The following DTNB variants were observed in gnomAD, a reference collection of about 807,000 sequenced individuals.
DTNB encodes the protein DTN-B.
In DTNB, 63 loss-of-function variants were observed where a neutral mutation model predicts 90.7. The observed-to-expected ratio is 0.69, with a 90% CI of 0.57 to 0.86. The LOEUF is 0.86. DTNB is among the 40% of genes least tolerant of loss of function. The probability of loss-of-function intolerance (pLI) is 0.00; values close to 1 mark genes in which losing one functional copy is unlikely to be tolerated. For missense variants in DTNB, 744 were observed against 807.1 expected (o/e 0.92, Z 0.95); for synonymous variants, 277 against 286.7 (o/e 0.97, Z 0.34).
chr2:25,483,465 G>A (rs2065415571), intron 9 of DTNB, among the ~76,000 whole-genome samples: 1 of 152,154 alleles, frequency 6.6e-6, no homozygotes, highest in African/African-American at 2.4e-5. Flanking sequence ...AACAAACTTT[G>A]ATTAATTCTC....
intron 8 of DTNB, among the ~76,000 whole-genome samples, chr2:25,544,066 G>C (rs760596920): frequency 5.3e-5 from 8 of 152,148 alleles, no homozygotes; most frequent in Non-Finnish European, 8.8e-5. Context: ...GGACAGCCAC[G>C]GCAGTGAGGC....
At chr2:25,431,773 G>A (rs757616759) in intron 14 of DTNB, among the ~76,000 whole-genome samples, 3 of 152,000 alleles carry the variant, frequency 2.0e-5, no homozygotes, top group Admixed American at 6.6e-5. Flanking sequence ...CTTACACTCT[G>A]CCCAAGTCAG....
chr2:25,546,095 A>G lies in DTNB; in HGVS notation c.877-14498T>C, dbSNP rs139363575. ...ATGTTTATTTAACATTGGGACTTTC[A>G]TAACTGTCTGTTCCTACCTCAGGCA... On this transcript the variant is annotated intron_variant, in intron 8 of 20. Transcript: ENST00000406818. Among the ~76,000 whole-genome samples the G allele has an allele frequency of 6.7e-3, 1,019 of 152,280 alleles. 12 individuals are homozygous for G. Among genetic ancestry groups the G allele is most frequent in the African/African-American group, 0.021 (883 of 41,550 alleles).
At chr2:25,413,122 A>G (rs961288367) in intron 16 of DTNB, among the ~76,000 whole-genome samples, 1 of 152,228 alleles carries the variant, frequency 6.6e-6, no homozygotes, top group African/African-American at 2.4e-5. Flanking sequence ...ATGTATCAGT[A>G]TATTTTCTTT....
intron 16 of DTNB, among the ~76,000 whole-genome samples, chr2:25,406,563 G>A (rs2045247401): frequency 1.3e-5 from 2 of 150,724 alleles, no homozygotes; most frequent in African/African-American, 4.9e-5. Context: ...TTCGAGACCA[G>A]CTTGGCCAAC....
intron 1 of DTNB, among the ~76,000 whole-genome samples, chr2:25,655,354 C>T (rs1455473483): frequency 6.6e-6 from 1 of 152,168 alleles, no homozygotes; most frequent in Admixed American, 6.5e-5. Context: ...GCCTACCTCC[C>T]TCATTGCTTC....
chr2:25,469,491 G>C (rs2062390153), intron 10 of DTNB, among the ~76,000 whole-genome samples: 1 of 152,106 alleles, frequency 6.6e-6, no homozygotes, highest in African/African-American at 2.4e-5. Context: ...TGTCACACAG[G>C]CTGGAGTGCA....
chr2:25,511,944 CA>C (rs1289716569), intron 9 of DTNB, among the ~76,000 whole-genome samples: 1 of 151,972 alleles, frequency 6.6e-6, no homozygotes, highest in African/African-American at 2.4e-5. Flanking sequence ...CCTTAAATTC[CA>C]AAACAATTCT....
intron 19 of DTNB, 61 bp downstream of exon 19, chr2:25,383,775 C>T (rs772213423): frequency 1.5e-5 from 24 of 1,613,440 alleles, no homozygotes; most frequent in South Asian, 5.5e-5. Flanking sequence ...AAGTGGGGGG[C>T]GGCTGATCCA....
chr2:25,640,316 G>T (rs2077976691), intron 2 of DTNB, among the ~76,000 whole-genome samples: 1 of 152,046 alleles, frequency 6.6e-6, no homozygotes, highest in Non-Finnish European at 1.5e-5. Flanking sequence ...AGGGGACAGA[G>T]AACTGGCACA....
intron 9 of DTNB, among the ~76,000 whole-genome samples, chr2:25,500,447 C>G (rs1261140223): frequency 6.6e-6 from 1 of 152,120 alleles, no homozygotes; most frequent in Non-Finnish European, 1.5e-5. Flanking sequence ...ACACATCAGG[C>G]CAACTACGCT....
intron 1 of DTNB, among the ~76,000 whole-genome samples, chr2:25,667,894 TA>T (rs1356909015): frequency 2.6e-5 from 4 of 152,118 alleles, no homozygotes; most frequent in African/African-American, 9.7e-5. Context: ...GGTGAACGAA[TA>T]AACAAACTGT....
At chr2:25,478,016 TTAA>T (rs1558690590) in intron 10 of DTNB, among the ~76,000 whole-genome samples, 1 of 13,408 alleles carries the variant, frequency 7.5e-5, no homozygotes. Flanking sequence ...AGTTTTTACT[TTAA>T]AAAAAAAAAA....
intron 1 of DTNB, chr2:25,652,914 G>A (rs1264287490): frequency 3.0e-6 from 1 of 329,526 alleles, no homozygotes; most frequent in African/African-American, 2.1e-5. Context: ...AAAAATATGG[G>A]GCTGACTTAC....
At chr2:25,482,992 AC>A in intron 9 of DTNB, 119 bp from the exon 10 acceptor site, 1 of 888,268 alleles carries the variant, frequency 1.1e-6, no homozygotes, top group Non-Finnish European at 1.5e-6. Context: ...GCACAGACGG[AC>A]CCATGGGGAG....
chr2:25,646,220 A>C (rs992733130), intron 2 of DTNB, among the ~76,000 whole-genome samples: 35 of 152,142 alleles, frequency 2.3e-4, no homozygotes, highest in Non-Finnish European at 7.3e-5. Context: ...TCACGCCTGT[A>C]ATCCCAACAC....
In DTNB at chr2:25,399,076, G is replaced by A. The variant is rs146731962; in HGVS notation, c.1576-10715C>T. Among the ~76,000 whole-genome samples the A allele has an allele frequency of 8.6e-4, 131 of 152,224 alleles. 1 individual carries two copies. The East Asian group carries it at 0.019, about 22-fold the overall frequency. ...AGTGAATCTTTTCTTTTTTGAGACG[G>A]AATCTCTCTGTCACCAGGCTGGAGT... is the stretch of plus-strand genomic sequence containing the variant. On this transcript the variant is annotated intron_variant, in intron 16 of 20. Coordinates refer to ENST00000406818, the MANE Select transcript of DTNB (RefSeq NM_021907.5).
chr2:25,465,965 G>A (rs566649186), intron 10 of DTNB, among the ~76,000 whole-genome samples: 4 of 152,116 alleles, frequency 2.6e-5, no homozygotes, highest in Non-Finnish European at 5.9e-5. Context: ...ACAGTGCCTC[G>A]CACATATCAG....
chr2:25,604,160 A>G (rs2066525521), intron 5 of DTNB, among the ~76,000 whole-genome samples: 1 of 152,162 alleles, frequency 6.6e-6, no homozygotes, highest in South Asian at 2.1e-4. Flanking sequence ...TGCCAGTGAT[A>G]AAGGACATAC....
Sources: gnomAD v4.1 joint callset for allele counts (sites outside exome capture counted in the v4.1 genomes callset) on GRCh38, gnomAD v4.1.1 for gene constraint, MANE v1.5 for transcripts, NCBI Gene and HGNC (gene_info 2026-07-23, HGNC 2026-07-21) for gene names.